Variants in ELFN1 observed in about 807,000 individuals in gnomAD.
ELFN1 encodes the protein protein ELFN1.
Under a neutral mutation model 7.6 loss-of-function variants are expected in ELFN1, and 6 were observed. That is an observed-to-expected ratio of 0.79 (90% CI 0.43 to 1.56). The LOEUF is 1.56. Ranked by LOEUF, ELFN1 falls within the 40% of genes most tolerant of loss-of-function variation. The pLI is 0.01. For synonymous variants in ELFN1, 657 were observed against 588.1 expected, an observed-to-expected ratio of 1.12 and a Z score of -1.70; for missense variants, 1,169 against 1,232.2, an observed-to-expected ratio of 0.95 and a Z score of 0.77.
chr7:1,701,325 A>G (rs1485742135), intron 2 of ELFN1, among the ~76,000 whole-genome samples: 1 of 152,202 alleles, frequency 6.6e-6, no homozygotes, highest in Non-Finnish European at 1.5e-5. Context: ...AGCTGGGACT[A>G]CAGGCACACT....
rs1313071733 is a variant in ELFN1 at position 1,695,696 on chromosome 7, C to T, written c.-456+7546C>T. On this transcript the variant is annotated intron_variant, in intron 2 of 3. Coordinates refer to ENST00000424383, the MANE Select transcript of ELFN1 (RefSeq NM_001128636.4). The surrounding 1 kb of genome is among the most constrained non-coding windows in gnomAD (Gnocchi z 5.1). ...CCAGGAGGTGGAGGTTGCAGTGAGC[C>T]GAGATCGCGCCACTGCACTGCAGCC... is the stretch of plus-strand genomic sequence containing the variant. Among the ~76,000 whole-genome samples the T allele has an allele frequency of 2.2e-5, 3 of 136,196 alleles. No individual in the cohort carries two copies. The highest frequency in any genetic ancestry group is 8.4e-5 in the Admixed American group (1 of 11,914). 89.3% of individuals were successfully genotyped at this position (136,196 alleles called of 152,430 possible).
intron 3 of ELFN1, among the ~76,000 whole-genome samples, chr7:1,715,850 A>G (rs977938416): frequency 2.0e-5 from 3 of 152,082 alleles, no homozygotes; most frequent in Non-Finnish European, 4.4e-5. Flanking sequence ...CAGTTTGCCC[A>G]TCCCTGCCGC....
intron 2 of ELFN1, chr7:1,693,899 A>C: frequency 2.5e-6 from 1 of 404,716 alleles, no homozygotes; most frequent in African/African-American, 2.1e-5. Flanking sequence ...AGTCCATGCC[A>C]CCTCCTCCTG....
Position 1,746,947 on chromosome 7 carries a change from G to A in ELFN1, c.2351G>A (p.Arg784His), listed in dbSNP as rs746626090. ...ATCTGGGAGCGCTTCAGACTGAGCC[G>A]CCGGCGGCACAAGGAGGAAGAGGAG... ...QSIWERFRLS[R>H]RRHKEEEEFM... The change falls in exon 4 of 4, where the codon CGC (arginine) becomes CAC (histidine). Residue 784 changes from arginine to histidine, a missense_variant. By Grantham distance (29) the Arg-to-His change is conservative (BLOSUM62 0). Around this residue, in one of 2 missense-constraint regions of ELFN1, gnomAD observed 914 missense variants for 872.6 expected, o/e 1.05. Coordinates refer to ENST00000424383, the MANE Select transcript of ELFN1 (RefSeq NM_001128636.4). 5 of 1,550,482 alleles carry A rather than the reference G, an allele frequency of 3.2e-6. No homozygotes were observed. Among genetic ancestry groups the A allele is most frequent in the Non-Finnish European group, 4.4e-6 (5 of 1,147,158 alleles).
At chr7:1,688,588 A>G (rs545872295) in intron 2 of ELFN1, among the ~76,000 whole-genome samples, 2 of 152,336 alleles carry the variant, frequency 1.3e-5, no homozygotes, top group East Asian at 3.9e-4. Flanking sequence ...GAAAAATACC[A>G]TCCATTTTCA....
upstream of ELFN1, among the ~76,000 whole-genome samples, chr7:1,666,504 G>A (rs1206162305): frequency 3.3e-5 from 5 of 152,016 alleles, no homozygotes; most frequent in African/African-American, 1.2e-4. The surrounding 1 kb of genome is among the most constrained non-coding windows in gnomAD (Gnocchi z 7.9). Flanking sequence ...CCGAGCCTGG[G>A]CCGGACAAAC....
intron 2 of ELFN1, chr7:1,693,293 AC>A (rs1779213367): frequency 2.2e-6 from 1 of 455,268 alleles, no homozygotes; most frequent in South Asian, 1.6e-5. Flanking sequence ...GGGGAAAGGA[AC>A]GCCCATCGGG....
At chr7:1,736,540 G>T (rs1035601248) in intron 3 of ELFN1, among the ~76,000 whole-genome samples, 1 of 152,260 alleles carries the variant, frequency 6.6e-6, no homozygotes, top group Non-Finnish European at 1.5e-5. Context: ...GACACAGGCC[G>T]CGGAAGGAAC....
intron 2 of ELFN1, chr7:1,692,703 G>T: frequency 6.5e-6 from 1 of 153,356 alleles, no homozygotes; most frequent in African/African-American, 2.4e-5. Context: ...GATTTTTGAG[G>T]CCCTCCTGGG....
chr7:1,746,229 G>T lies in ELFN1; in HGVS notation c.1633G>T (p.Gly545Cys). The T allele has an allele frequency of 6.4e-7, 1 of 1,563,174 alleles. No individual in the cohort carries two copies. Residue 545 changes from glycine (G) to cysteine (C), a missense_variant, in exon 4 of 4, where the codon GGC becomes TGC. Transcript: ENST00000424383. The stretch of plus-strand genomic sequence containing the variant: ...CAGGGACTGTGAGCTGGGCCGGCCG[G>T]GCCCCGACAGCCAGAGTTCGGTGGC... ...ERRDCELGRP[G>C]PDSQSSVAEI...
intron 2 of ELFN1, among the ~76,000 whole-genome samples, chr7:1,696,081 G>A (rs746465279): frequency 2.0e-5 from 3 of 152,166 alleles, no homozygotes; most frequent in South Asian, 2.1e-4. Flanking sequence ...GTCTGGGATC[G>A]GGTGCCAGCG....
In ELFN1 at chr7:1,745,512, C is replaced by T. The variant is rs1780753655; in HGVS notation, c.916C>T (p.Leu306=). 1.3e-6 allele frequency: 2 copies of T among 1,545,654 alleles called. No homozygotes were observed. The highest frequency in any genetic ancestry group is 1.7e-6 in the Non-Finnish European group (2 of 1,146,824). Residue 306 remains leucine, a synonymous_variant, in exon 4 of 4, where the codon CTG becomes TTG. Coordinates refer to ENST00000424383, the MANE Select transcript of ELFN1 (RefSeq NM_001128636.4). The stretch of plus-strand genomic sequence containing the variant: ...GGACGGCACCACGCCACTGGTGGCC[C>T]TGCCCACGCTGGCCACGCAGGCCGA... ...SGDGTTPLVA[L]PTLATQAEAR...
At chr7:1,680,917 T>A (rs1778964416) in intron 1 of ELFN1, among the ~76,000 whole-genome samples, 1 of 151,968 alleles carries the variant, frequency 6.6e-6, no homozygotes, top group Non-Finnish European at 1.5e-5. Flanking sequence ...AGTTTTTGTA[T>A]TTTTAGTAAA....
At chr7:1,717,323 A>T (rs1779865059) in intron 3 of ELFN1, among the ~76,000 whole-genome samples, 6 of 152,196 alleles carry the variant, frequency 3.9e-5, no homozygotes. Flanking sequence ...TGCTCAGGAC[A>T]TTGGAGTATC....
At position 1,744,271 on chromosome 7, in the gene ELFN1, CCCCTGACCGCTGTCTTCTCTCTTGT is replaced by C; in HGVS notation, c.-293-31_-293-7del. The C allele has an allele frequency of 2.9e-6, 1 of 343,696 alleles. No homozygotes were observed. Among genetic ancestry groups the C allele is most frequent in the South Asian group, 7.6e-5 (1 of 13,120 alleles). 21.3% of individuals were successfully genotyped at this position (343,696 alleles called of 1,614,324 possible). A position where few individuals can be genotyped will look rare whatever the true frequency, so the allele number is the denominator to read the frequency against. On this transcript the variant is annotated splice_region_variant and splice_polypyrimidine_tract_variant and intron_variant, in intron 3 of 3. Transcript: ENST00000424383. ...CCCTGACCGCTGTCTTCTCTCTTGT[CCCCTGACCGCTGTCTTCTCTCTTGT>C]CTTGCAGCAGGAACGTCGGAGCAGG...
chr7:1,686,472 C>T (rs1583317294), intron 1 of ELFN1, among the ~76,000 whole-genome samples: 1 of 151,924 alleles, frequency 6.6e-6, no homozygotes, highest in Non-Finnish European at 1.5e-5. Context: ...GTCACCATTC[C>T]TGGCTTTCTT....
Position 1,745,257 on chromosome 7 carries a change from G to A in ELFN1, c.661G>A (p.Glu221Lys), listed in dbSNP as rs1435310016. 2.6e-6 allele frequency: 4 copies of A among 1,539,254 alleles called. No individual in the cohort carries two copies. Among genetic ancestry groups the A allele is most frequent in the Non-Finnish European group, 3.5e-6 (4 of 1,146,852 alleles). Reference sequence around the variant, plus strand: ...ACAGACGTACGACCGCATGCAGTGCGAGTCGCCGCCCGTCTACTCCGGCTA... The same window carrying A: ...ACAGACGTACGACCGCATGCAGTGCAAGTCGCCGCCCGTCTACTCCGGCTA... ...ATQTYDRMQC[E>K]SPPVYSGYYL... The change falls in exon 4 of 4, where the codon GAG (glutamate) becomes AAG (lysine). Residue 221 changes from glutamate to lysine, a missense_variant. Glu to Lys is a moderately conservative substitution (Grantham distance 56, BLOSUM62 1). Coordinates refer to ENST00000424383, the MANE Select transcript of ELFN1 (RefSeq NM_001128636.4).
chr7:1,696,160 CAGAG>C (rs146254859), intron 2 of ELFN1, among the ~76,000 whole-genome samples: 7 of 147,788 alleles, frequency 4.7e-5, no homozygotes, highest in Admixed American at 1.3e-4. Context: ...CCTCCCAAGA[CAGAG>C]AGAGAGAGAG....
In ELFN1 at chr7:1,740,574, G is replaced by T. The variant is rs1488697413; in HGVS notation, c.-293-3730G>T. Among the ~76,000 whole-genome samples the T allele has an allele frequency of 2.0e-5, 3 of 152,144 alleles. No individual in the cohort carries two copies. Among genetic ancestry groups the T allele is most frequent in the Non-Finnish European group, 4.4e-5 (3 of 68,014 alleles). ...GAGCCCAGCTGGAAAGGGCTTTGGGGGGGCCTGTGGTCTGTCCAGAACCTT... is the reference window on the plus strand; with the variant it reads ...GAGCCCAGCTGGAAAGGGCTTTGGGTGGGCCTGTGGTCTGTCCAGAACCTT... On this transcript the variant is annotated intron_variant, in intron 3 of 3. Transcript: ENST00000424383. This position sits in a 1 kb window ranked among gnomAD's most constrained non-coding sequence, Gnocchi z 5.0.
Sources: allele counts gnomAD v4.1 joint callset (sites outside exome capture counted in the v4.1 genomes callset), GRCh38; gene constraint gnomAD v4.1.1; regional missense constraint gnomAD v4.1.1; non-coding constraint Gnocchi (gnomAD v3.1); transcripts MANE v1.5; gene names NCBI Gene and HGNC (gene_info 2026-07-23, HGNC 2026-07-21).